The following TRPM3 variants were observed in gnomAD, a reference collection of about 807,000 sequenced individuals.
TRPM3 encodes the protein long transient receptor potential channel 3.
TRPM3 carries 77 observed loss-of-function variants against 181.2 expected under a neutral mutation model. The observed-to-expected ratio is 0.42, with a 90% CI of 0.35 to 0.51. The LOEUF (loss-of-function observed/expected upper bound fraction) is 0.51. Among genes scored for constraint, TRPM3 ranks in the 20% least tolerant of loss-of-function variants. The pLI is 0.01. For synonymous variants in TRPM3, 745 were observed against 796.4 expected, an observed-to-expected ratio of 0.94 and a Z score of 1.09; for missense variants, 1,759 against 2,196.7, an observed-to-expected ratio of 0.80 and a Z score of 3.98.
At chr9:70,602,613 T>C (rs558170421) in intron 20 of TRPM3, among the ~76,000 whole-genome samples, 26 of 152,348 alleles carry the variant, frequency 1.7e-4, no homozygotes, top group African/African-American at 6.0e-4. Context: ...TAGGAGCTTG[T>C]GGTGAACATT....
chr9:71,227,385 A>G (rs773401808), intron 1 of TRPM3, among the ~76,000 whole-genome samples: 32 of 152,026 alleles, frequency 2.1e-4, no homozygotes, highest in Non-Finnish European at 4.4e-4. Flanking sequence ...GTAAGTCCCT[A>G]CACTGAAAAA....
chr9:70,929,273 C>G (rs1190453251), intron 1 of TRPM3, among the ~76,000 whole-genome samples: 2 of 151,908 alleles, frequency 1.3e-5, no homozygotes, highest in Non-Finnish European at 2.9e-5. Context: ...GCAATCTCAG[C>G]TCACTGCAAC....
At chr9:70,869,675 C>T (rs916979932) in intron 1 of TRPM3, among the ~76,000 whole-genome samples, 1 of 152,032 alleles carries the variant, frequency 6.6e-6, no homozygotes, top group Admixed American at 6.6e-5. Flanking sequence ...CTTCTCCGAT[C>T]ATACTTCTTA....
intron 1 of TRPM3, among the ~76,000 whole-genome samples, chr9:70,969,218 G>T (rs1267549516): frequency 2.0e-5 from 3 of 151,748 alleles, no homozygotes; most frequent in Non-Finnish European, 4.4e-5. Flanking sequence ...AATGGGAGTT[G>T]AGCAATAAGA....
chr9:71,329,252 G>C (rs1565467373), intron 1 of TRPM3, among the ~76,000 whole-genome samples: 1 of 152,262 alleles, frequency 6.6e-6, no homozygotes, highest in East Asian at 1.9e-4. Flanking sequence ...TTTCATGTGT[G>C]TTTATTTTGT....
At chr9:71,290,141 C>G (rs745623766) in intron 1 of TRPM3, among the ~76,000 whole-genome samples, 13 of 151,766 alleles carry the variant, frequency 8.6e-5, no homozygotes, top group Non-Finnish European at 1.9e-4. Context: ...TATATCTATT[C>G]AAAGTTCACA....
chr9:71,273,697 CTT>C (rs2083975070), intron 1 of TRPM3, among the ~76,000 whole-genome samples: 2 of 152,178 alleles, frequency 1.3e-5, no homozygotes, highest in Non-Finnish European at 2.9e-5. Context: ...GTTTGGAACT[CTT>C]TGGGGAGATA....
chr9:71,110,189 C>T lies in TRPM3; in HGVS notation c.177+10989G>A, dbSNP rs543217022. Among the ~76,000 whole-genome samples, 119 of 152,162 alleles carry T rather than the reference C, an allele frequency of 7.8e-4. 1 individual carries two copies. Among genetic ancestry groups the T allele is most frequent in the African/African-American group, 2.7e-3 (111 of 41,520 alleles). On this transcript the variant is annotated intron_variant, in intron 1 of 25. Transcript: ENST00000677713. Reference sequence around the variant, plus strand: ...AATAGGAACATCCAAATGGCTTTTCCGTCATTCCTAAGTAAATTCAAGAAT... The same window carrying T: ...AATAGGAACATCCAAATGGCTTTTCTGTCATTCCTAAGTAAATTCAAGAAT...
chr9:70,672,218 C>G (rs934757859), intron 9 of TRPM3, among the ~76,000 whole-genome samples: 2 of 152,080 alleles, frequency 1.3e-5, no homozygotes, highest in Non-Finnish European at 2.9e-5. Context: ...TCTCAATTCC[C>G]CTGCCACAGT....
chr9:71,342,204 CCAAA>C (rs954340495), intron 1 of TRPM3, among the ~76,000 whole-genome samples: 1 of 144,362 alleles, frequency 6.9e-6, no homozygotes, highest in Non-Finnish European at 1.5e-5. Context: ...ATTTGGAATG[CCAAA>C]TGTGCCAAAC....
At chr9:70,915,087 T>G (rs2096577382) in intron 1 of TRPM3, among the ~76,000 whole-genome samples, 1 of 152,156 alleles carries the variant, frequency 6.6e-6, no homozygotes, top group Non-Finnish European at 1.5e-5. Flanking sequence ...CCAGAAAACA[T>G]GGCCTCATGA....
chr9:70,536,488 C>T lies in TRPM3; in HGVS notation c.4625G>A (p.Ser1542Asn), dbSNP rs760510492. Reference sequence around the variant, plus strand: ...AGGCACCCCAAAGTTGGCATAATAGCTCCTTGAGGGGGAAAACATAAAGCT... The same window carrying T: ...AGGCACCCCAAAGTTGGCATAATAGTTCCTTGAGGGGGAAAACATAAAGCT... ...SHSFMFSPSR[S>N]YYANFGVPVK... is the part of the protein sequence containing the mutation. The change falls in exon 26 of 26, where the codon AGC becomes AAC. Residue 1542 changes from serine (S) to asparagine (N), a missense_variant. Transcript: ENST00000677713. 6.2e-7 allele frequency: 1 copy of T among 1,614,150 alleles called. No individual in the cohort carries two copies. Among genetic ancestry groups the T allele is most frequent in the Non-Finnish European group, 8.5e-7 (1 of 1,180,030 alleles).
Position 70,640,574 on chromosome 9 carries a change from C to A in TRPM3, c.1432G>T (p.Gly478Trp). ...DIARSQIFIY[G>W]QQWPVGSLEQ... ...ATATACTCTACCGGCCACTGTTGCC[C>A]GTAAATAAAGATCTGGCTGCGAGCG... is the stretch of plus-strand genomic sequence containing the variant. Residue 478 changes from glycine (G) to tryptophan (W), a missense_variant, in exon 10 of 26, where the codon GGG becomes TGG. Gly to Trp is a radical substitution (Grantham distance 184, BLOSUM62 -2). Transcript: ENST00000677713. 6.2e-7 allele frequency: 1 copy of A among 1,613,252 alleles called. No homozygotes were observed. The highest frequency in any genetic ancestry group is 8.5e-7 in the Non-Finnish European group (1 of 1,179,630).
chr9:71,111,663 C>T (rs972685310), intron 1 of TRPM3, among the ~76,000 whole-genome samples: 18 of 152,180 alleles, frequency 1.2e-4, no homozygotes, highest in Non-Finnish European at 2.4e-4. Context: ...TTCAACGACC[C>T]TGCAAACTTA....
intron 1 of TRPM3, among the ~76,000 whole-genome samples, chr9:71,354,084 C>T (rs1375436768): frequency 3.3e-5 from 5 of 152,088 alleles, no homozygotes; most frequent in Non-Finnish European, 2.9e-5. Flanking sequence ...CTGTTATTTC[C>T]GTATGCTTTC....
intron 1 of TRPM3, among the ~76,000 whole-genome samples, chr9:71,270,805 C>T (rs1189413778): frequency 1.3e-5 from 2 of 152,216 alleles, no homozygotes; most frequent in Non-Finnish European, 2.9e-5. Flanking sequence ...AAATATATTG[C>T]TGCTCTGCCT....
chr9:70,582,418 G>GTT (rs1387654574), intron 22 of TRPM3, among the ~76,000 whole-genome samples: 1 of 152,142 alleles, frequency 6.6e-6, no homozygotes, highest in Non-Finnish European at 1.5e-5. Flanking sequence ...GCTTCAAGGA[G>GTT]TTTAATTCAT....
At chr9:70,617,259 G>A (rs1398808560) in intron 17 of TRPM3, among the ~76,000 whole-genome samples, 1 of 152,176 alleles carries the variant, frequency 6.6e-6, no homozygotes, top group Non-Finnish European at 1.5e-5. Context: ...TCCTAAGGCC[G>A]GGCTTGGCGG....
chr9:70,738,685 A>G (rs558756305), intron 8 of TRPM3, among the ~76,000 whole-genome samples: 1 of 152,302 alleles, frequency 6.6e-6, no homozygotes, highest in African/African-American at 2.4e-5. Flanking sequence ...AAGATCAATG[A>G]AACAAAAAGC....
Sources: allele counts gnomAD v4.1 joint callset (sites outside exome capture counted in the v4.1 genomes callset), GRCh38; gene constraint gnomAD v4.1.1; transcripts MANE v1.5; gene names NCBI Gene and HGNC (gene_info 2026-07-23, HGNC 2026-07-21).